The following ASCL2 variants were observed in gnomAD, a reference collection of about 807,000 sequenced individuals.
ASCL2 encodes achaete-scute family bHLH transcription factor 2, also known as achaete-scute homolog 2.
In ASCL2, 6 loss-of-function variants were observed where a neutral mutation model predicts 5.1. That is an observed-to-expected ratio of 1.17 (90% CI 0.64 to 2.31). The LOEUF (loss-of-function observed/expected upper bound fraction) is 2.31, where lower values mean the gene tolerates loss of function less well. ASCL2 is among the 30% of genes most tolerant of loss of function. The pLI is 0.00. For synonymous variants in ASCL2, 174 were observed against 157.3 expected (o/e 1.11, Z -0.80); for missense variants, 320 against 310.3 (o/e 1.03, Z -0.23).
rs1335927576 is a variant in ASCL2 at position 2,270,126 on chromosome 11, G to T, written c.207C>A (p.Gly69=). The change falls in exon 1 of 2, where the codon GGC becomes GGA. Residue 69 remains glycine, a synonymous_variant. Coordinates refer to ENST00000331289, the MANE Select transcript of ASCL2 (RefSeq NM_005170.3). Reference sequence around the variant, plus strand: ...GCACGTGCTGCCGCAGCGCCTGGAAGCCCAAGTTCACCAGCTTCACGCGGT... The same window carrying T: ...GCACGTGCTGCCGCAGCGCCTGGAATCCCAAGTTCACCAGCTTCACGCGGT... ...ERNRVKLVNL[G]FQALRQHVPH... is the part of the protein sequence containing the mutation. 6.5e-7 allele frequency: 1 copy of T among 1,527,852 alleles called. No homozygotes were observed. Among genetic ancestry groups the T allele is most frequent in the Non-Finnish European group, 8.7e-7 (1 of 1,144,388 alleles). 94.6% of individuals were successfully genotyped at this position (1,527,852 alleles called of 1,614,324 possible).
In ASCL2 at chr11:2,270,197, C is replaced by T; in HGVS notation, c.136G>A (p.Gly46Arg). ...RRRRPATAET[G>R]GGAAAVARRN... is the part of the protein sequence containing the mutation. The stretch of plus-strand genomic sequence containing the variant: ...CGCGCTACGGCCGCTGCGCCGCCTC[C>T]GGTCTCTGCGGTGGCCGGTCGCCGC... The change falls in exon 1 of 2, where the codon GGA (glycine) becomes AGA (arginine). Residue 46 changes from glycine to arginine, a missense_variant. Coordinates refer to ENST00000331289, the MANE Select transcript of ASCL2 (RefSeq NM_005170.3). The T allele has an allele frequency of 6.7e-7, 1 of 1,482,960 alleles. No homozygotes were observed. Among genetic ancestry groups the T allele is most frequent in the East Asian group, 2.9e-5 (1 of 34,800 alleles). The allele number at this position is 1,482,960 out of a possible 1,614,324, so 91.9% of individuals were successfully genotyped here.
chr11:2,269,967 C>T lies in ASCL2; in HGVS notation c.366G>A (p.Pro122=). 1 of 1,300,142 alleles carries T rather than the reference C, an allele frequency of 7.7e-7. No homozygotes were observed. The allele number at this position is 1,300,142 out of a possible 1,614,324, so 80.5% of individuals were successfully genotyped here. A position where few individuals can be genotyped will look rare whatever the true frequency, so the allele number is the denominator to read the frequency against. ...VRNALAGGLR[P]QAVRPSAPRG... The stretch of plus-strand genomic sequence containing the variant: ...GGGGCGCAGACGGCCGCACGGCCTG[C>T]GGCCTCAGCCCTCCCGCCAGCGCGT... Residue 122 remains proline (P), a synonymous_variant, in exon 1 of 2, where the codon CCG becomes CCA. Transcript: ENST00000331289.
chr11:2,270,382 G>A lies in ASCL2; in HGVS notation c.-50C>T. Reference sequence around the variant, plus strand: ...CCAGGTCCCGGCGCGCCGCAGGAAGGTGCAGGCAGAGGAACCGGAGGCGAC... The same window carrying A: ...CCAGGTCCCGGCGCGCCGCAGGAAGATGCAGGCAGAGGAACCGGAGGCGAC... On this transcript the variant is annotated 5_prime_UTR_variant, in exon 1 of 2. Transcript: ENST00000331289. 1 of 1,260,826 alleles carries A rather than the reference G, an allele frequency of 7.9e-7. No homozygotes were observed. The highest frequency in any genetic ancestry group is 1.0e-6 in the Non-Finnish European group (1 of 1,003,156). 78.1% of individuals were successfully genotyped at this position (1,260,826 alleles called of 1,614,324 possible). A position where few individuals can be genotyped will look rare whatever the true frequency, so the allele number is the denominator to read the frequency against.
intron 1 of ASCL2, 42 bp downstream of exon 1, chr11:2,269,691 C>G: frequency 7.9e-7 from 1 of 1,268,774 alleles, no homozygotes. Context: ...TCCCTCCACC[C>G]CGGCCCCCGG....
chr11:2,270,405 G>C lies in ASCL2; in HGVS notation c.-73C>G, dbSNP rs1027458243. ...AGGTGCAGGCAGAGGAACCGGAGGC[G>C]ACGGGGAAAACTGTGGCGCCCCAAG... On this transcript the variant is annotated 5_prime_UTR_variant, in exon 1 of 2. Transcript: ENST00000331289. 1 of 1,256,130 alleles carries C rather than the reference G, an allele frequency of 8.0e-7. No homozygotes were observed. The highest frequency in any genetic ancestry group is 1.6e-5 in the African/African-American group (1 of 64,178). The allele number at this position is 1,256,130 out of a possible 1,614,324, so 77.8% of individuals were successfully genotyped here. A position where few individuals can be genotyped will look rare whatever the true frequency, so the allele number is the denominator to read the frequency against.
chr11:2,269,681 TCCC>T, intron 1 of ASCL2, 49 bp downstream of exon 1: 1 of 688,782 alleles, frequency 1.5e-6, no homozygotes, highest in Non-Finnish European at 2.1e-6. Flanking sequence ...GCCCACCCCG[TCCC>T]TCCACCCCGG....
chr11:2,269,757 G>GC lies in ASCL2; in HGVS notation c.575dup (p.Tyr193LeufsTer8), dbSNP rs1235792315. On this transcript the variant is annotated frameshift_variant, in exon 1 of 2. Transcript: ENST00000331289. LOFTEE classifies it low-confidence loss of function (END_TRUNC). ...CCTCATAGGTCGAGGGCGCTCAGTA[G>GC]CCCCCTAACCAGCTGGAGAAGTCGA... 1 of 1,423,650 alleles carries GC rather than the reference G, an allele frequency of 7.0e-7. No individual in the cohort carries two copies. The highest frequency in any genetic ancestry group is 9.2e-7 in the Non-Finnish European group (1 of 1,082,652). 88.2% of individuals were successfully genotyped at this position (1,423,650 alleles called of 1,614,324 possible). A position where few individuals can be genotyped will look rare whatever the true frequency, so the allele number is the denominator to read the frequency against.
intron 1 of ASCL2, among the ~76,000 whole-genome samples, chr11:2,269,343 C>T (rs1219206896): frequency 1.3e-5 from 2 of 151,500 alleles, no homozygotes; most frequent in East Asian, 2.0e-4. Flanking sequence ...AGTCAGGGCT[C>T]CGCGCCCGCC....
rs1377072600 is a variant in ASCL2, at chr11:2,268,701, G to C, written c.*444C>G. On this transcript the variant is annotated 3_prime_UTR_variant, in exon 2 of 2. Transcript: ENST00000331289. The surrounding 1 kb of genome is among the most constrained non-coding windows in gnomAD (Gnocchi z 4.5). ...TGGAAAACTCCAGATAGTGGGGGCA[G>C]GGGTCCAGGTCATCTTTATTACGCC... The C allele has an allele frequency of 6.6e-6, 1 of 152,406 alleles. No homozygotes were observed. Among genetic ancestry groups the C allele is most frequent in the Admixed American group, 6.5e-5 (1 of 15,288 alleles). 9.4% of individuals were successfully genotyped at this position (152,406 alleles called of 1,614,324 possible). A position where few individuals can be genotyped will look rare whatever the true frequency, so the allele number is the denominator to read the frequency against.
chr11:2,270,126 GC>G lies in ASCL2; in HGVS notation c.206del (p.Gly69AlafsTer18). ...GCACGTGCTGCCGCAGCGCCTGGAA[GC>G]CCAAGTTCACCAGCTTCACGCGGTT... is the stretch of plus-strand genomic sequence containing the variant. Reference protein sequence around the residue: ...ERNRVKLVNLGFQALRQHVPH... With the variant: ...ERNRVKLVNLXFQALRQHVPH... On this transcript the variant is annotated frameshift_variant, in exon 1 of 2. Transcript: ENST00000331289. LOFTEE classifies it high-confidence loss of function. 6.5e-7 allele frequency: 1 copy of G among 1,527,850 alleles called. No individual in the cohort carries two copies. 94.6% of individuals were successfully genotyped at this position (1,527,850 alleles called of 1,614,324 possible).
In ASCL2 at chr11:2,270,172, C is replaced by A; in HGVS notation, c.161G>T (p.Arg54Leu). The A allele has an allele frequency of 6.6e-7, 1 of 1,513,092 alleles. No individual in the cohort carries two copies. Among genetic ancestry groups the A allele is most frequent in the African/African-American group, 1.4e-5 (1 of 69,754 alleles). 93.7% of individuals were successfully genotyped at this position (1,513,092 alleles called of 1,614,324 possible). The change falls in exon 1 of 2, where the codon CGG becomes CTG. Residue 54 changes from arginine (R) to leucine (L), a missense_variant. By Grantham distance (102) the Arg-to-Leu change is moderately radical (BLOSUM62 -2). Transcript: ENST00000331289. ...GCGGTTGCGCTCGCGCTCATTGCGC[C>A]GCGCTACGGCCGCTGCGCCGCCTCC... ...ETGGGAAAVA[R>L]RNERERNRVK...
In ASCL2 at chr11:2,269,874, C is replaced by G; in HGVS notation, c.459G>C (p.Gly153=). The change falls in exon 1 of 2, where the codon GGG becomes GGC. Residue 153 remains glycine, a synonymous_variant. Transcript: ENST00000331289. ...PSRASSSPGR[G]GSSEPGSPRS... is the part of the protein sequence containing the mutation. ...GCGGGGAGCCGGGCTCCGAGCTGCC[C>G]CCGCGGCCCGGGGACGAAGAAGCGC... The G allele has an allele frequency of 7.4e-7, 1 of 1,343,180 alleles. No homozygotes were observed. Among genetic ancestry groups the G allele is most frequent in the South Asian group, 1.9e-5 (1 of 51,592 alleles). 83.2% of individuals were successfully genotyped at this position (1,343,180 alleles called of 1,614,324 possible). A position where few individuals can be genotyped will look rare whatever the true frequency, so the allele number is the denominator to read the frequency against.
rs1431560784 is a variant in ASCL2 at position 2,268,647 on chromosome 11, G to T, written c.*498C>A. On this transcript the variant is annotated 3_prime_UTR_variant, in exon 2 of 2. Transcript: ENST00000331289. The surrounding 1 kb of genome is among the most constrained non-coding windows in gnomAD (Gnocchi z 4.5). ...CACGCCAGGGACCCCGCCCCTCAGG[G>T]ACTGCTCGTGTCCAGATCTTGGCCA... 1 of 152,322 alleles carries T rather than the reference G, an allele frequency of 6.6e-6. No homozygotes were observed. The highest frequency in any genetic ancestry group is 1.5e-5 in the Non-Finnish European group (1 of 68,142). The allele number at this position is 152,322 out of a possible 1,614,324, so 9.4% of individuals were successfully genotyped here.
chr11:2,269,652 G>C (rs1271591489), intron 1 of ASCL2, 81 bp downstream of exon 1: 2 of 1,218,260 alleles, frequency 1.6e-6, no homozygotes, highest in Non-Finnish European at 2.1e-6. Context: ...GGCTCCTGGG[G>C]GCGCGACCCG....
In ASCL2 at chr11:2,269,936, G is replaced by C; in HGVS notation, c.397C>G (p.Pro133Ala). ...GCGGCGACCGGGGTGGTCCCTGGCG[G>C]CCCGCGGGGCGCAGACGGCCGCACG... ...QAVRPSAPRGPPGTTPVAASP... is the reference protein window; with the variant it reads ...QAVRPSAPRGAPGTTPVAASP... Residue 133 changes from proline (P) to alanine (A), a missense_variant, in exon 1 of 2, where the codon CCG becomes GCG. By Grantham distance (27) the Pro-to-Ala change is conservative (BLOSUM62 -1). Transcript: ENST00000331289. 1 of 1,279,906 alleles carries C rather than the reference G, an allele frequency of 7.8e-7. No homozygotes were observed. Among genetic ancestry groups the C allele is most frequent in the Non-Finnish European group, 9.9e-7 (1 of 1,010,742 alleles). The allele number at this position is 1,279,906 out of a possible 1,614,324, so 79.3% of individuals were successfully genotyped here.
Position 2,269,013 on chromosome 11 carries a change from C to CG in ASCL2, c.*131dup, listed in dbSNP as rs1847215264. Reference sequence around the variant, plus strand: ...GACGAACGAGGCGGCGTCGGCGGTGCGGGGGGTGGTGGGTGGGTCCCCGGC... The same window carrying CG: ...GACGAACGAGGCGGCGTCGGCGGTGCGGGGGGGTGGTGGGTGGGTCCCCGGC... On this transcript the variant is annotated 3_prime_UTR_variant, in exon 2 of 2. Coordinates refer to ENST00000331289, the MANE Select transcript of ASCL2 (RefSeq NM_005170.3). The CG allele has an allele frequency of 1.0e-3, 3 of 2,910 alleles. No individual in the cohort carries two copies. The highest frequency in any genetic ancestry group is 6.1e-3 in the Admixed American group (1 of 164). The allele number at this position is 2,910 out of a possible 1,614,324, so 0.2% of individuals were successfully genotyped here.
At position 2,270,473 on chromosome 11, in the gene ASCL2, G is replaced by A. The variant is rs949253549; in HGVS notation, c.-141C>T. The A allele has an allele frequency of 2.4e-6, 3 of 1,248,372 alleles. No individual in the cohort carries two copies. The highest frequency in any genetic ancestry group is 3.1e-5 in the African/African-American group (2 of 63,888). The allele number at this position is 1,248,372 out of a possible 1,614,324, so 77.3% of individuals were successfully genotyped here. A position where few individuals can be genotyped will look rare whatever the true frequency, so the allele number is the denominator to read the frequency against. On this transcript the variant is annotated 5_prime_UTR_variant, in exon 1 of 2. Transcript: ENST00000331289. ...GCCGCCAGGCAACTCCCCAGGGCAC[G>A]CGTCCTAGGTCGTCTGGAGCCCGGG...
At position 2,270,166 on chromosome 11, in the gene ASCL2, T is replaced by C. The variant is rs1007064104; in HGVS notation, c.167A>G (p.Asn56Ser). 20 of 1,519,068 alleles carry C rather than the reference T, an allele frequency of 1.3e-5. No individual in the cohort carries two copies. The highest frequency in any genetic ancestry group is 1.7e-5 in the Non-Finnish European group (19 of 1,141,438). The allele number at this position is 1,519,068 out of a possible 1,614,324, so 94.1% of individuals were successfully genotyped here. ...CTTCACGCGGTTGCGCTCGCGCTCA[T>C]TGCGCCGCGCTACGGCCGCTGCGCC... Reference protein sequence around the residue: ...GGGAAAVARRNERERNRVKLV... With the variant: ...GGGAAAVARRSERERNRVKLV... Residue 56 changes from asparagine (N) to serine (S), a missense_variant, in exon 1 of 2, where the codon AAT becomes AGT. By Grantham distance (46) the Asn-to-Ser change is conservative. Transcript: ENST00000331289.
Position 2,270,181 on chromosome 11 carries a change from G to A in ASCL2, c.152C>T (p.Ala51Val). Reference sequence around the variant, plus strand: ...CTCGCGCTCATTGCGCCGCGCTACGGCCGCTGCGCCGCCTCCGGTCTCTGC... The same window carrying A: ...CTCGCGCTCATTGCGCCGCGCTACGACCGCTGCGCCGCCTCCGGTCTCTGC... The part of the protein sequence containing the change: ...ATAETGGGAA[A>V]VARRNERERN... The change falls in exon 1 of 2, where the codon GCC becomes GTC. Residue 51 changes from alanine (A) to valine (V), a missense_variant. Transcript: ENST00000331289. 1 of 1,502,244 alleles carries A rather than the reference G, an allele frequency of 6.7e-7. No homozygotes were observed. Among genetic ancestry groups the A allele is most frequent in the South Asian group, 1.2e-5 (1 of 80,480 alleles). 93.1% of individuals were successfully genotyped at this position (1,502,244 alleles called of 1,614,324 possible).
Sources: gnomAD v4.1 joint callset for allele counts (sites outside exome capture counted in the v4.1 genomes callset) on GRCh38, gnomAD v4.1.1 for gene constraint, Gnocchi (gnomAD v3.1) non-coding constraint, MANE v1.5 for transcripts, NCBI Gene and HGNC (gene_info 2026-07-23, HGNC 2026-07-21) for gene names.